Variants in POU2F1 observed in about 807,000 individuals in gnomAD.
The protein encoded by POU2F1 is POU domain, class 2, transcription factor 1.
In POU2F1, 16 loss-of-function variants were observed where a neutral mutation model predicts 84.9. The ratio of observed to expected loss-of-function variants is 0.19; its 90% CI spans 0.13 to 0.29. POU2F1 has a LOEUF of 0.29. POU2F1 is among the 10% of genes least tolerant of loss of function. POU2F1 has a pLI of 1.00. For missense variants in POU2F1, 738 were observed against 942.6 expected, an observed-to-expected ratio of 0.78 and a Z score of 2.84; for synonymous variants, 368 against 368.3, an observed-to-expected ratio of 1.00 and a Z score of 0.01.
intron 2 of POU2F1, among the ~76,000 whole-genome samples, chr1:167,357,732 A>G (rs1206188650): frequency 6.6e-6 from 1 of 150,910 alleles, no homozygotes; most frequent in East Asian, 1.9e-4. Flanking sequence ...TAAGAGTTTT[A>G]TGCATCTTTT....
At chr1:167,229,801 C>A (rs1237431606) in intron 1 of POU2F1, among the ~76,000 whole-genome samples, 1 of 152,116 alleles carries the variant, frequency 6.6e-6, no homozygotes, top group Non-Finnish European at 1.5e-5. Context: ...TTGGTGCAGC[C>A]AGCATCTTAG....
intron 2 of POU2F1, among the ~76,000 whole-genome samples, chr1:167,353,299 C>A (rs1254387494): frequency 4.0e-5 from 6 of 151,542 alleles, no homozygotes; most frequent in Non-Finnish European, 8.8e-5. Context: ...TTGAGCCTCA[C>A]CACCTCCCTC....
At chr1:167,278,550 CAACG>C (rs1464182667) in intron 1 of POU2F1, among the ~76,000 whole-genome samples, 2 of 152,228 alleles carry the variant, frequency 1.3e-5, no homozygotes, top group East Asian at 3.9e-4. Flanking sequence ...GATTAGGCTT[CAACG>C]ATGAAGATAA....
intron 2 of POU2F1, among the ~76,000 whole-genome samples, chr1:167,354,378 G>A (rs1658796100): frequency 6.6e-6 from 1 of 152,056 alleles, no homozygotes; most frequent in Non-Finnish European, 1.5e-5. Context: ...TGCAACCTCG[G>A]CCTCCCGGGT....
At chr1:167,228,055 G>A (rs1648771465) in intron 1 of POU2F1, among the ~76,000 whole-genome samples, 1 of 152,180 alleles carries the variant, frequency 6.6e-6, no homozygotes, top group Admixed American at 6.5e-5. Flanking sequence ...ATTGCTGTCA[G>A]TCAGAGAAGG....
intron 5 of POU2F1, among the ~76,000 whole-genome samples, chr1:167,372,894 C>T (rs1378976083): frequency 6.6e-6 from 1 of 151,660 alleles, no homozygotes; most frequent in South Asian, 2.1e-4. Context: ...CAATTCACAT[C>T]ACATTAACTC....
intron 8 of POU2F1, among the ~76,000 whole-genome samples, chr1:167,387,742 G>T (rs184959370): frequency 1.9e-3 from 295 of 152,304 alleles, no homozygotes; most frequent in Admixed American, 3.0e-3. Context: ...GTCAGGCAGT[G>T]CCTCCCACTA....
chr1:167,256,355 TA>T (rs1447203233), intron 1 of POU2F1, among the ~76,000 whole-genome samples: 1 of 151,306 alleles, frequency 6.6e-6, no homozygotes, highest in Non-Finnish European at 1.5e-5. Context: ...CTTGAGACAA[TA>T]AATTTCTTCT....
intron 1 of POU2F1, among the ~76,000 whole-genome samples, chr1:167,306,977 A>C (rs1033495875): frequency 5.3e-5 from 8 of 152,232 alleles, no homozygotes; most frequent in African/African-American, 1.9e-4. Flanking sequence ...TCTCGTAAGT[A>C]GGAAAGTTTG....
chr1:167,235,088 G>C (rs1321101240), intron 1 of POU2F1, among the ~76,000 whole-genome samples: 1 of 152,118 alleles, frequency 6.6e-6, no homozygotes, highest in Non-Finnish European at 1.5e-5. Context: ...GCTATTATTA[G>C]AAGTCAGCTA....
At chr1:167,243,454 A>G (rs1650062455) in intron 1 of POU2F1, among the ~76,000 whole-genome samples, 1 of 152,188 alleles carries the variant, frequency 6.6e-6, no homozygotes, top group Admixed American at 6.5e-5. Context: ...GTAAGTATGA[A>G]CAGGTATAAA....
intron 12 of POU2F1, among the ~76,000 whole-genome samples, 169 bp from the exon 13 acceptor site, chr1:167,401,282 C>T (rs1397190824): frequency 6.6e-6 from 1 of 152,060 alleles, no homozygotes; most frequent in Non-Finnish European, 1.5e-5. Context: ...TTTTTAAAAC[C>T]CAGGCAAAGC....
At chr1:167,388,964 C>T (rs1264807978) in intron 8 of POU2F1, among the ~76,000 whole-genome samples, 1 of 151,770 alleles carries the variant, frequency 6.6e-6, no homozygotes, top group Non-Finnish European at 1.5e-5. Flanking sequence ...TCTGTTAAAA[C>T]AACGTTAAAT....
At chr1:167,303,065 A>T (rs982558452) in intron 1 of POU2F1, among the ~76,000 whole-genome samples, 1 of 152,122 alleles carries the variant, frequency 6.6e-6, no homozygotes, top group Non-Finnish European at 1.5e-5. Context: ...TATATCGTCT[A>T]TCTATGTATA....
chr1:167,419,836 T>G lies in POU2F1; in HGVS notation c.*4026T>G, dbSNP rs1650535960. On this transcript the variant is annotated 3_prime_UTR_variant, in exon 16 of 16. Coordinates refer to ENST00000367866, the MANE Select transcript of POU2F1 (RefSeq NM_002697.4). ...TGTGTAGAATCATACCTACTTATAC[T>G]TAATGCTAGCACTGTAAGAAATAAG... 6.6e-6 allele frequency: 1 copy of G among 152,252 alleles called. No individual in the cohort carries two copies. Among genetic ancestry groups the G allele is most frequent in the Non-Finnish European group, 1.5e-5 (1 of 68,038 alleles). 9.4% of individuals were successfully genotyped at this position (152,252 alleles called of 1,614,324 possible).
intron 13 of POU2F1, among the ~76,000 whole-genome samples, chr1:167,406,857 A>G (rs1010424166): frequency 1.3e-5 from 2 of 152,092 alleles, no homozygotes; most frequent in African/African-American, 4.8e-5. Context: ...AGAAGTTAAA[A>G]GAAGTCTAAA....
intron 1 of POU2F1, among the ~76,000 whole-genome samples, chr1:167,230,835 A>T (rs1253483347): frequency 2.0e-5 from 3 of 152,184 alleles, no homozygotes; most frequent in Non-Finnish European, 4.4e-5. Context: ...CAAATAATGA[A>T]TGCTTGGTTG....
Position 167,418,762 on chromosome 1 carries a change from C to G in POU2F1, c.*2952C>G, listed in dbSNP as rs1650462645. ...AGATACTAAGCTTTAAATGTCAATA[C>G]AGTGGTCTTTTATTCCCTGCCCTGT... is the stretch of plus-strand genomic sequence containing the variant. On this transcript the variant is annotated 3_prime_UTR_variant, in exon 16 of 16. Transcript: ENST00000367866. 1 of 152,034 alleles carries G rather than the reference C, an allele frequency of 6.6e-6. No homozygotes were observed. The highest frequency in any genetic ancestry group is 2.4e-5 in the African/African-American group (1 of 41,376). 9.4% of individuals were successfully genotyped at this position (152,034 alleles called of 1,614,324 possible).
rs1651624872 is a variant in POU2F1 at position 167,262,278 on chromosome 1, C to T, written c.61+41320C>T. On this transcript the variant is annotated intron_variant, in intron 1 of 15. Coordinates refer to ENST00000367866, the MANE Select transcript of POU2F1 (RefSeq NM_002697.4). ...GGCTCCTAAGCTTAAGTGATCCTCC[C>T]ACCTCAGCCTCCCAAGTAGCTGGAC... Among the ~76,000 whole-genome samples the T allele has an allele frequency of 2.0e-5, 3 of 151,864 alleles. No individual in the cohort carries two copies. In the South Asian group the frequency reaches 6.2e-4, roughly 32 times the overall value.
Sources: allele counts gnomAD v4.1 joint callset (sites outside exome capture counted in the v4.1 genomes callset), GRCh38; gene constraint gnomAD v4.1.1; transcripts MANE v1.5; gene names NCBI Gene and HGNC (gene_info 2026-07-23, HGNC 2026-07-21).